CACNA1D: variants seen among roughly 807,000 people sequenced by gnomAD.
CACNA1D encodes the protein calcium voltage-gated channel subunit alpha1 D, also known as voltage-dependent L-type calcium channel subunit alpha-1D.
A neutral mutation model predicts 257.1 loss-of-function variants in CACNA1D; 55 were observed. That is an observed-to-expected ratio of 0.21 (90% CI 0.17 to 0.27). The LOEUF is 0.27. CACNA1D is among the 10% of genes least tolerant of loss of function. The probability of loss-of-function intolerance (pLI) is 1.00; values close to 1 mark genes in which losing one functional copy is unlikely to be tolerated. For synonymous variants in CACNA1D, 980 were observed against 1,014.9 expected (o/e 0.97, Z 0.65); for missense variants, 1,876 against 2,784.0 (o/e 0.67, Z 7.34).
At chr3:53,555,465 T>G (rs866526219) in intron 3 of CACNA1D, among the ~76,000 whole-genome samples, 19,711 of 113,992 alleles carry the variant, frequency 0.17, 1,064 homozygotes, top group Middle Eastern at 0.25. Flanking sequence ...TGTGTGTTTT[T>G]TTTTTTTTTT....
chr3:53,634,600 T>A (rs961427401), intron 3 of CACNA1D, among the ~76,000 whole-genome samples: 1 of 152,180 alleles, frequency 6.6e-6, no homozygotes, highest in Non-Finnish European at 1.5e-5. Flanking sequence ...TGTCCTAGAA[T>A]CCTCCAGCCT....
intron 3 of CACNA1D, among the ~76,000 whole-genome samples, chr3:53,634,010 G>A (rs1037638670): frequency 1.3e-5 from 2 of 152,188 alleles, no homozygotes; most frequent in African/African-American, 4.8e-5. Context: ...TTAGAAAATA[G>A]CATCTATTCA....
intron 8 of CACNA1D, among the ~76,000 whole-genome samples, chr3:53,676,917 T>A (rs2094382419): frequency 6.6e-6 from 1 of 152,244 alleles, no homozygotes; most frequent in South Asian, 2.1e-4. Context: ...GCTGAGAATG[T>A]CTATGTCTAA....
intron 3 of CACNA1D, among the ~76,000 whole-genome samples, chr3:53,645,071 A>G (rs1295348665): frequency 6.6e-6 from 1 of 152,194 alleles, no homozygotes; most frequent in Non-Finnish European, 1.5e-5. Flanking sequence ...CTTGATGATT[A>G]GTGATGTTGA....
In CACNA1D at chr3:53,555,439, T is replaced by G. The variant is rs144285178; in HGVS notation, c.483+53719T>G. Among the ~76,000 whole-genome samples, 248 of 97,530 alleles carry G rather than the reference T, an allele frequency of 2.5e-3. 2 individuals are homozygous for G. Among genetic ancestry groups the G allele is most frequent in the African/African-American group, 9.1e-3 (223 of 24,522 alleles). 64.0% of individuals were successfully genotyped at this position (97,530 alleles called of 152,430 possible). On this transcript the variant is annotated intron_variant, in intron 3 of 47. Coordinates refer to ENST00000350061, the MANE Select transcript of CACNA1D (RefSeq NM_001128840.3). ...CTCTCTGGCTGCTTTTTCTGGTGGGTGTGTGTGTGTGTGTGTGTGTGTTTT... is the reference window on the plus strand; with the variant it reads ...CTCTCTGGCTGCTTTTTCTGGTGGGGGTGTGTGTGTGTGTGTGTGTGTTTT...
chr3:53,732,954 G>A lies in CACNA1D; in HGVS notation c.2613G>A (p.Lys871=). 2.5e-6 allele frequency: 4 copies of A among 1,613,902 alleles called. No individual in the cohort carries two copies. The highest frequency in any genetic ancestry group is 3.4e-6 in the Non-Finnish European group (4 of 1,179,852). ...PEGSAFFILS[K]TNPIRVGCHK... Reference sequence around the variant, plus strand: ...GGAGCGCTTTCTTCATTCTTAGCAAGACCAACCCGTAAATACTCCCCTTCT... The same window carrying A: ...GGAGCGCTTTCTTCATTCTTAGCAAAACCAACCCGTAAATACTCCCCTTCT... Residue 871 remains lysine (K), a synonymous_variant, in exon 19 of 48, where the codon AAG becomes AAA. Transcript: ENST00000350061.
At chr3:53,625,421 G>A (rs770936901) in intron 3 of CACNA1D, among the ~76,000 whole-genome samples, 1 of 152,146 alleles carries the variant, frequency 6.6e-6, no homozygotes, top group African/African-American at 2.4e-5. Context: ...CCTGCATCAT[G>A]CCTCTTGTCT....
chr3:53,771,519 G>T (rs142530942), intron 32 of CACNA1D, among the ~76,000 whole-genome samples: 1 of 152,328 alleles, frequency 6.6e-6, no homozygotes, highest in East Asian at 1.9e-4. Flanking sequence ...GCACTCACAA[G>T]GGAAGTCACA....
At chr3:53,598,775 A>C (rs1210303989) in intron 3 of CACNA1D, among the ~76,000 whole-genome samples, 1 of 152,168 alleles carries the variant, frequency 6.6e-6, no homozygotes, top group African/African-American at 2.4e-5. Flanking sequence ...CTTTTGGTTA[A>C]TTAATGGAGG....
At chr3:53,671,732 T>G (rs2094325063) in intron 7 of CACNA1D, among the ~76,000 whole-genome samples, 1 of 152,162 alleles carries the variant, frequency 6.6e-6, no homozygotes, top group East Asian at 1.9e-4. Flanking sequence ...AGATGTTAGG[T>G]AATTTTTTTT....
intron 4 of CACNA1D, among the ~76,000 whole-genome samples, chr3:53,651,991 T>C (rs2094102741): frequency 6.6e-6 from 1 of 152,112 alleles, no homozygotes; most frequent in Admixed American, 6.6e-5. Flanking sequence ...GTGGGACAAT[T>C]AGACTTGTGG....
chr3:53,733,930 T>TTGTGTGTGTGTGTGTGTTTGTG (rs2095026851), intron 19 of CACNA1D, among the ~76,000 whole-genome samples: 1 of 134,034 alleles, frequency 7.5e-6, no homozygotes, highest in Non-Finnish European at 1.6e-5. Context: ...GTGTGTGTGT[T>TTGTGTGTGTGTGTGTGTTTGTG]TGTGTGTGTG....
intron 8 of CACNA1D, chr3:53,679,747 T>C (rs912135617): frequency 6.6e-6 from 1 of 152,234 alleles, no homozygotes; most frequent in African/African-American, 2.4e-5. Flanking sequence ...GATTTGTCTT[T>C]GGTTTGAAGA....
rs895171200 is a variant in CACNA1D at position 53,723,360 on chromosome 3, G to A, written c.1667-74G>A. 3.9e-6 allele frequency: 4 copies of A among 1,013,354 alleles called. No individual in the cohort carries two copies. Among genetic ancestry groups the A allele is most frequent in the Admixed American group, 3.4e-5 (2 of 59,236 alleles). 62.8% of individuals were successfully genotyped at this position (1,013,354 alleles called of 1,614,324 possible). A position where few individuals can be genotyped will look rare whatever the true frequency, so the allele number is the denominator to read the frequency against. On this transcript the variant is annotated intron_variant, in intron 12 of 47. Transcript: ENST00000350061. The surrounding 1 kb of genome is among the most constrained non-coding windows in gnomAD (Gnocchi z 5.6). ...TTTCCTGTGGGGCCTGATAGGGAGG[G>A]AGGTGTGAGGGGCACGAGCAGTCTG...
chr3:53,625,858 G>A (rs555178739), intron 3 of CACNA1D, among the ~76,000 whole-genome samples: 67 of 152,160 alleles, frequency 4.4e-4, no homozygotes, highest in Non-Finnish European at 7.5e-4. Flanking sequence ...GGTATACAGA[G>A]GTTCAGGGTA....
chr3:53,775,860 G>A (rs2095394397), intron 34 of CACNA1D, 26 bp from the exon 35 acceptor site: 6 of 1,612,488 alleles, frequency 3.7e-6, no homozygotes, highest in Non-Finnish European at 5.1e-6. Context: ...CCCCACTAAA[G>A]CCCCTTTGTT....
chr3:53,732,878 G>A lies in CACNA1D; in HGVS notation c.2537G>A (p.Arg846Gln), dbSNP rs1247532724. Residue 846 changes from arginine to glutamine, a missense_variant, in exon 19 of 48, where the codon CGA (arginine) becomes CAA (glutamine). Coordinates refer to ENST00000350061, the MANE Select transcript of CACNA1D (RefSeq NM_001128840.3). ...GAGGTTCCTGCCGGACCCCGTCCTC[G>A]AAGGATCTCGGAGTTGAACATGAAG... ...EPEVPAGPRPRRISELNMKEK... is the reference protein window; with the variant it reads ...EPEVPAGPRPQRISELNMKEK... The A allele has an allele frequency of 2.5e-6, 4 of 1,613,846 alleles. No homozygotes were observed. The highest frequency in any genetic ancestry group is 3.3e-5 in the Admixed American group (2 of 60,004).
At chr3:53,541,255 A>G (rs1428861965) in intron 3 of CACNA1D, among the ~76,000 whole-genome samples, 2 of 152,226 alleles carry the variant, frequency 1.3e-5, no homozygotes, top group Non-Finnish European at 2.9e-5. Flanking sequence ...CAGTTCATAC[A>G]GCCTAAATTA....
chr3:53,664,281 G>A (rs1211145027), intron 5 of CACNA1D, among the ~76,000 whole-genome samples: 1 of 152,022 alleles, frequency 6.6e-6, no homozygotes, highest in Non-Finnish European at 1.5e-5. Context: ...CAAGACCCTG[G>A]CTCAAATAAC....
Sources: gnomAD v4.1 joint callset for allele counts (sites outside exome capture counted in the v4.1 genomes callset) on GRCh38, gnomAD v4.1.1 for gene constraint, Gnocchi (gnomAD v3.1) non-coding constraint, MANE v1.5 for transcripts, NCBI Gene and HGNC (gene_info 2026-07-23, HGNC 2026-07-21) for gene names.